The following CNBD1 variants were observed in gnomAD, a reference collection of about 807,000 sequenced individuals.
CNBD1 encodes cyclic nucleotide-binding domain-containing protein 1.
CNBD1 carries 71 observed loss-of-function variants against 54.4 expected under a neutral mutation model. The ratio of observed to expected loss-of-function variants is 1.30; its 90% CI spans 1.08 to 1.59. The LOEUF is 1.59. CNBD1 is among the 40% of genes most tolerant of loss of function. The probability of loss-of-function intolerance (pLI) is 0.00; values close to 1 mark genes in which losing one functional copy is unlikely to be tolerated. For missense variants in CNBD1, 659 were observed against 518.0 expected, an observed-to-expected ratio of 1.27 and a Z score of -2.64; for synonymous variants, 182 against 170.7, an observed-to-expected ratio of 1.07 and a Z score of -0.51.
chr8:87,339,383 T>C (rs930742244), intron 8 of CNBD1, among the ~76,000 whole-genome samples: 2 of 152,212 alleles, frequency 1.3e-5, no homozygotes, highest in African/African-American at 4.8e-5. Flanking sequence ...GCTCGCGTCA[T>C]TTCCCATGGA....
intron 6 of CNBD1, among the ~76,000 whole-genome samples, chr8:87,255,083 T>C (rs1229430520): frequency 6.6e-6 from 1 of 152,148 alleles, no homozygotes. Flanking sequence ...TGTAATGATA[T>C]TCTGTAGAGG....
At chr8:87,024,649 A>C (rs1809590495) in intron 4 of CNBD1, among the ~76,000 whole-genome samples, 1 of 152,136 alleles carries the variant, frequency 6.6e-6, no homozygotes, top group Admixed American at 6.5e-5. Context: ...GCCAGGAATA[A>C]CTTTTTAGAG....
intron 10 of CNBD1, among the ~76,000 whole-genome samples, chr8:87,377,419 T>G (rs1242406212): frequency 6.6e-6 from 1 of 151,722 alleles, no homozygotes; most frequent in East Asian, 1.9e-4. Flanking sequence ...TTTTTGTTCT[T>G]GCGATAGTTT....
In CNBD1 at chr8:86,956,795, T is replaced by G. The variant is rs556904422; in HGVS notation, c.431+17041T>G. Among the ~76,000 whole-genome samples the G allele has an allele frequency of 2.6e-5, 4 of 152,324 alleles. No individual in the cohort carries two copies. The South Asian group carries it at 6.2e-4, about 24-fold the overall frequency. On this transcript the variant is annotated intron_variant, in intron 4 of 10. Transcript: ENST00000518476. ...TGCAAACAGGGACAATTTGACTTCCTCTTTTCCTAATTGAATACCCTCTAT... is the reference window on the plus strand; with the variant it reads ...TGCAAACAGGGACAATTTGACTTCCGCTTTTCCTAATTGAATACCCTCTAT...
intron 4 of CNBD1, among the ~76,000 whole-genome samples, chr8:86,977,817 C>T (rs1277163191): frequency 2.0e-5 from 3 of 151,838 alleles, no homozygotes; most frequent in Non-Finnish European, 4.4e-5. Context: ...ATTTGAAGAA[C>T]TAATACCAAT....
intron 4 of CNBD1, among the ~76,000 whole-genome samples, chr8:87,086,539 T>C (rs1811099760): frequency 1.3e-5 from 2 of 152,214 alleles, no homozygotes; most frequent in African/African-American, 4.8e-5. Context: ...AGACATTATG[T>C]TGTAATAAGT....
At chr8:86,946,450 T>G (rs1348624171) in intron 4 of CNBD1, among the ~76,000 whole-genome samples, 1 of 152,100 alleles carries the variant, frequency 6.6e-6, no homozygotes, top group Non-Finnish European at 1.5e-5. Flanking sequence ...TATTATAATA[T>G]TTCTTATAAA....
At chr8:87,264,336 T>G (rs1029846639) in intron 6 of CNBD1, among the ~76,000 whole-genome samples, 4 of 152,192 alleles carry the variant, frequency 2.6e-5, no homozygotes, top group African/African-American at 9.7e-5. Flanking sequence ...ACTCATCATT[T>G]TTTATGGCTG....
At chr8:87,173,328 C>T (rs1013215662) in intron 4 of CNBD1, among the ~76,000 whole-genome samples, 9 of 152,046 alleles carry the variant, frequency 5.9e-5, no homozygotes, top group Admixed American at 2.0e-4. Context: ...ACCACAATTA[C>T]GGTGTTATAA....
intron 10 of CNBD1, among the ~76,000 whole-genome samples, chr8:87,376,453 A>G (rs905661779): frequency 6.6e-6 from 1 of 151,904 alleles, no homozygotes; most frequent in East Asian, 1.9e-4. Context: ...CAACCTATGA[A>G]TTTTTGAGGG....
intron 6 of CNBD1, among the ~76,000 whole-genome samples, chr8:87,238,363 A>G (rs752946612): frequency 1.3e-5 from 2 of 152,108 alleles, no homozygotes; most frequent in Non-Finnish European, 2.9e-5. Context: ...GGGACCATGG[A>G]TATTGCCCAT....
chr8:86,923,059 G>A (rs1339986565), intron 3 of CNBD1, among the ~76,000 whole-genome samples: 1 of 152,080 alleles, frequency 6.6e-6, no homozygotes. Flanking sequence ...CAGGTCCTTG[G>A]CGTTTTTAAC....
chr8:87,385,011 G>A (rs971085064), downstream of CNBD1, among the ~76,000 whole-genome samples: 1 of 152,152 alleles, frequency 6.6e-6, no homozygotes, highest in Non-Finnish European at 1.5e-5. Flanking sequence ...GAGATGATGA[G>A]ATGATCTGAC....
At chr8:87,188,724 C>T (rs2130783700) in intron 4 of CNBD1, among the ~76,000 whole-genome samples, 1 of 147,792 alleles carries the variant, frequency 6.8e-6, no homozygotes, top group Admixed American at 6.8e-5. Flanking sequence ...GCACTCCAGC[C>T]TGGGCAACAG....
chr8:87,377,620 C>G (rs1163589191), intron 10 of CNBD1, among the ~76,000 whole-genome samples: 2 of 150,814 alleles, frequency 1.3e-5, no homozygotes, highest in East Asian at 3.9e-4. Flanking sequence ...CATACGTGTG[C>G]ATGTGTCTTT....
At chr8:87,323,887 C>G (rs1238594294) in intron 8 of CNBD1, among the ~76,000 whole-genome samples, 1 of 136,042 alleles carries the variant, frequency 7.4e-6, no homozygotes, top group East Asian at 2.0e-4. Flanking sequence ...TGCCAGTTTT[C>G]AAAGGGAATG....
At chr8:87,009,655 C>A (rs1325110048) in intron 4 of CNBD1, among the ~76,000 whole-genome samples, 1 of 152,072 alleles carries the variant, frequency 6.6e-6, no homozygotes, top group African/African-American at 2.4e-5. Flanking sequence ...TTAAATTCAC[C>A]CATACATTTA....
At chr8:87,127,527 A>G (rs1014013364) in intron 4 of CNBD1, among the ~76,000 whole-genome samples, 2 of 152,098 alleles carry the variant, frequency 1.3e-5, no homozygotes, top group African/African-American at 4.8e-5. Flanking sequence ...TACCAAAATC[A>G]CATATTAATT....
intron 1 of CNBD1, among the ~76,000 whole-genome samples, chr8:86,867,159 G>A (rs890518417): frequency 3.9e-5 from 6 of 152,096 alleles, no homozygotes; most frequent in African/African-American, 7.2e-5. Flanking sequence ...CTCATTTTAT[G>A]TAATTAGTCT....
Sources: allele counts gnomAD v4.1 joint callset (sites outside exome capture counted in the v4.1 genomes callset), GRCh38; gene constraint gnomAD v4.1.1; transcripts MANE v1.5; gene names NCBI Gene and HGNC (gene_info 2026-07-23, HGNC 2026-07-21).